Variants in UNC5A observed in about 807,000 individuals in gnomAD.
UNC5A encodes netrin receptor UNC5A.
UNC5A carries 20 observed loss-of-function variants against 87.4 expected under a neutral mutation model. The ratio of observed to expected loss-of-function variants is 0.23; its 90% CI spans 0.16 to 0.33. The LOEUF (loss-of-function observed/expected upper bound fraction) is 0.33. Ranked by LOEUF, UNC5A falls within the 10% of genes least tolerant of loss-of-function variation. The pLI is 1.00. For missense variants in UNC5A, 844 were observed against 1,133.4 expected, an observed-to-expected ratio of 0.74 and a Z score of 3.67; for synonymous variants, 438 against 482.3, an observed-to-expected ratio of 0.91 and a Z score of 1.20.
chr5:176,857,015 C>G (rs557459088), intron 1 of UNC5A, among the ~76,000 whole-genome samples: 4 of 152,376 alleles, frequency 2.6e-5, no homozygotes, highest in African/African-American at 7.2e-5. Flanking sequence ...CTCCCCTGTT[C>G]CCTTTTCCAA....
chr5:176,850,327 G>T (rs115043570), intron 1 of UNC5A, among the ~76,000 whole-genome samples: 5,460 of 152,282 alleles, frequency 0.036, 156 homozygotes, highest in African/African-American at 0.084. Context: ...CATTGCAGGG[G>T]TTTGAAGTGT....
chr5:176,847,012 C>T (rs1757423258), intron 1 of UNC5A, among the ~76,000 whole-genome samples: 1 of 152,172 alleles, frequency 6.6e-6, no homozygotes, highest in South Asian at 2.1e-4. Context: ...GCGCCCCCGT[C>T]AAGCCTAGGA....
intron 1 of UNC5A, among the ~76,000 whole-genome samples, chr5:176,815,324 C>T (rs2940520): frequency 0.83 from 126,292 of 152,196 alleles, 55,378 homozygotes; most frequent in East Asian, 1. Flanking sequence ...CCCACCCCTT[C>T]GTTCCTTGTC....
At chr5:176,820,108 A>C (rs1270819210) in intron 1 of UNC5A, among the ~76,000 whole-genome samples, 1 of 145,030 alleles carries the variant, frequency 6.9e-6, no homozygotes, top group East Asian at 2.0e-4. Flanking sequence ...TAAAAATACA[A>C]AATGTTGGGC....
intron 1 of UNC5A, among the ~76,000 whole-genome samples, chr5:176,842,811 C>T (rs1426484032): frequency 3.3e-5 from 5 of 152,124 alleles, no homozygotes; most frequent in African/African-American, 7.2e-5. Context: ...AAAGAACTTA[C>T]GTAACCGAAT....
At chr5:176,821,256 T>C (rs1296208026) in intron 1 of UNC5A, among the ~76,000 whole-genome samples, 1 of 152,214 alleles carries the variant, frequency 6.6e-6, no homozygotes, top group African/African-American at 2.4e-5. Context: ...TGGCTTGTCC[T>C]TGGTTTCGGG....
chr5:176,878,947 G>T (rs991870880), intron 13 of UNC5A, among the ~76,000 whole-genome samples: 1 of 152,216 alleles, frequency 6.6e-6, no homozygotes, highest in East Asian at 1.9e-4. Flanking sequence ...TTTGGCTGCG[G>T]CATTAAGGGG....
chr5:176,832,848 G>C (rs779305625), intron 1 of UNC5A, among the ~76,000 whole-genome samples: 4 of 152,236 alleles, frequency 2.6e-5, no homozygotes, highest in Admixed American at 6.5e-5. Flanking sequence ...GAGGACTCCA[G>C]ATGATCTCCA....
chr5:176,813,895 C>T (rs954923124), intron 1 of UNC5A, among the ~76,000 whole-genome samples: 2 of 152,196 alleles, frequency 1.3e-5, no homozygotes, highest in South Asian at 2.1e-4. Flanking sequence ...CATATGCATG[C>T]GGGGCCTCCT....
At chr5:176,811,366 C>T (rs1756449835) in intron 1 of UNC5A, among the ~76,000 whole-genome samples, 1 of 152,226 alleles carries the variant, frequency 6.6e-6, no homozygotes, top group African/African-American at 2.4e-5. Context: ...CACACTCAGG[C>T]GTGGAGGCGC....
intron 4 of UNC5A, 49 bp from the exon 5 acceptor site, chr5:176,868,735 G>A (rs376840829): frequency 1.3e-6 from 2 of 1,587,982 alleles, no homozygotes; most frequent in East Asian, 2.3e-5. Context: ...GGCCACTCTG[G>A]GCAGGGCCAG....
In UNC5A at chr5:176,848,135, T is replaced by A. The variant is rs1268301952; in HGVS notation, c.71-14489T>A. On this transcript the variant is annotated intron_variant, in intron 1 of 14. Coordinates refer to ENST00000329542, the MANE Select transcript of UNC5A (RefSeq NM_133369.3). The surrounding 1 kb of genome is among the most constrained non-coding windows in gnomAD (Gnocchi z 5.8). The stretch of plus-strand genomic sequence containing the variant: ...CACGCTGCGGCCTCCTCCAGGCTGG[T>A]TTCCTAGAGCACCCCTCCCCGCCTC... 6.6e-6 allele frequency among the ~76,000 whole-genome samples: 1 copy of A among 151,940 alleles called. No homozygotes were observed. Among genetic ancestry groups the A allele is most frequent in the Non-Finnish European group, 1.5e-5 (1 of 67,924 alleles).
chr5:176,860,990 G>A (rs968204726), intron 1 of UNC5A, among the ~76,000 whole-genome samples: 1 of 152,112 alleles, frequency 6.6e-6, no homozygotes, highest in African/African-American at 2.4e-5. Flanking sequence ...CAAACTGTCC[G>A]GCTATGTCCC....
chr5:176,879,985 G>C lies in UNC5A; in HGVS notation c.*99G>C. 7.0e-7 allele frequency: 1 copy of C among 1,424,034 alleles called. No individual in the cohort carries two copies. The highest frequency in any genetic ancestry group is 9.3e-7 in the Non-Finnish European group (1 of 1,072,298). 88.2% of individuals were successfully genotyped at this position (1,424,034 alleles called of 1,614,324 possible). ...GCCCTTCCCCACACCGGGGAGAGCTGCTCGGACAGGCCCCCTCCCGGCCGA... is the reference window on the plus strand; with the variant it reads ...GCCCTTCCCCACACCGGGGAGAGCTCCTCGGACAGGCCCCCTCCCGGCCGA... On this transcript the variant is annotated 3_prime_UTR_variant, in exon 15 of 15. Transcript: ENST00000329542.
chr5:176,846,962 G>GC (rs1464687503), intron 1 of UNC5A, among the ~76,000 whole-genome samples: 2 of 152,156 alleles, frequency 1.3e-5, no homozygotes, highest in Non-Finnish European at 2.9e-5. Context: ...TGGACGCAGA[G>GC]CCGCGCACAT....
intron 1 of UNC5A, among the ~76,000 whole-genome samples, chr5:176,852,776 G>A (rs190552214): frequency 5.3e-5 from 8 of 152,342 alleles, no homozygotes; most frequent in Admixed American, 5.2e-4. Flanking sequence ...TGGCAACAGT[G>A]TCACACTAAG....
intron 1 of UNC5A, among the ~76,000 whole-genome samples, chr5:176,857,618 A>T (rs577494233): frequency 1.3e-5 from 2 of 151,950 alleles, no homozygotes; most frequent in African/African-American, 4.8e-5. Flanking sequence ...TGCTGCTCCC[A>T]CCCTTGCCGA....
Position 176,850,218 on chromosome 5 carries a change from G to C in UNC5A, c.71-12406G>C, listed in dbSNP as rs1289129042. On this transcript the variant is annotated intron_variant, in intron 1 of 14. Coordinates refer to ENST00000329542, the MANE Select transcript of UNC5A (RefSeq NM_133369.3). ...CCCTGCAGGTTTAGGAGGAAGTCGG[G>C]GTGTGAGCCCTAACTTTAATACATG... Among the ~76,000 whole-genome samples the C allele has an allele frequency of 2.0e-5, 3 of 152,190 alleles. No homozygotes were observed. The East Asian group carries it at 5.8e-4, about 29-fold the overall frequency.
intron 1 of UNC5A, among the ~76,000 whole-genome samples, chr5:176,816,932 C>A (rs1387830823): frequency 2.0e-5 from 3 of 152,206 alleles, no homozygotes; most frequent in African/African-American, 7.2e-5. Flanking sequence ...ACAGGCCTGG[C>A]TTCCTTTCTG....
Sources: gnomAD v4.1 joint callset for allele counts (sites outside exome capture counted in the v4.1 genomes callset) on GRCh38, gnomAD v4.1.1 for gene constraint, Gnocchi (gnomAD v3.1) non-coding constraint, MANE v1.5 for transcripts, NCBI Gene and HGNC (gene_info 2026-07-23, HGNC 2026-07-21) for gene names.